The following ZFP36L2 variants were observed in gnomAD, a reference collection of about 807,000 sequenced individuals.
ZFP36L2 encodes the protein ZFP36 like 2 zinc finger CCCH-type.
A neutral mutation model predicts 27.9 loss-of-function variants in ZFP36L2; 16 were observed. The ratio of observed to expected loss-of-function variants is 0.57; its 90% CI spans 0.39 to 0.87. The LOEUF (loss-of-function observed/expected upper bound fraction) is 0.87. ZFP36L2 is among the 40% of genes least tolerant of loss of function. The probability of loss-of-function intolerance (pLI) is 0.00; values close to 1 mark genes in which losing one functional copy is unlikely to be tolerated. For missense variants in ZFP36L2, 989 were observed against 726.9 expected, an observed-to-expected ratio of 1.36 and a Z score of -4.15; for synonymous variants, 600 against 363.8, an observed-to-expected ratio of 1.65 and a Z score of -7.39.
chr2:43,224,315 T>G lies in ZFP36L2; in HGVS notation c.*4A>C, dbSNP rs1446967578. On this transcript the variant is annotated 3_prime_UTR_variant, in exon 2 of 2. Coordinates refer to ENST00000282388, the MANE Select transcript of ZFP36L2 (RefSeq NM_006887.5). ...CCCTTCCTCCTCACTGGCGCCCTCT[T>G]GCCTCAGTCGTCGGAGATGGAGAGG... 1 of 1,568,188 alleles carries G rather than the reference T, an allele frequency of 6.4e-7. No individual in the cohort carries two copies. The highest frequency in any genetic ancestry group is 8.6e-7 in the Non-Finnish European group (1 of 1,162,656).
rs1474763918 is a variant in ZFP36L2 at position 43,225,579 on chromosome 2, C to T, written c.225G>A (p.Ser75=). 2 of 1,561,376 alleles carry T rather than the reference C, an allele frequency of 1.3e-6. No individual in the cohort carries two copies. The highest frequency in any genetic ancestry group is 1.7e-6 in the Non-Finnish European group (2 of 1,159,258). ...CGTTAGCGGCGCCCGGGAACTTGGG[C>T]GAGCAGCTGCCGGGGCTGGGCGCGG... ...AHPAPSPGSC[S]PKFPGAANGS... is the part of the protein sequence containing the mutation. Residue 75 remains serine, a synonymous_variant, in exon 2 of 2, where the codon TCG becomes TCA. Coordinates refer to ENST00000282388, the MANE Select transcript of ZFP36L2 (RefSeq NM_006887.5).
chr2:43,225,415 C>G lies in ZFP36L2; in HGVS notation c.389G>C (p.Arg130Pro). Residue 130 changes from arginine to proline, a missense_variant, in exon 2 of 2, where the codon CGC (arginine) becomes CCC (proline). Arg to Pro is a moderately radical substitution (Grantham distance 103). Transcript: ENST00000282388. Reference sequence around the variant, plus strand: ...CTGCAGGTGCAGGAGGTGCTGGCTGCGATCGCCGTTCTCGCTAAACGAGCG... The same window carrying G: ...CTGCAGGTGCAGGAGGTGCTGGCTGGGATCGCCGTTCTCGCTAAACGAGCG... ...RDRSFSENGD[R>P]SQHLLHLQQQ... is the part of the protein sequence containing the mutation. 6.2e-7 allele frequency: 1 copy of G among 1,613,388 alleles called. No individual in the cohort carries two copies. Among genetic ancestry groups the G allele is most frequent in the Non-Finnish European group, 8.5e-7 (1 of 1,179,864 alleles).
At chr2:43,226,004 G>C (rs1003288643) in intron 1 of ZFP36L2, among the ~76,000 whole-genome samples, 2 of 151,954 alleles carry the variant, frequency 1.3e-5, no homozygotes, top group Middle Eastern at 3.2e-3. Flanking sequence ...CGCCCCGGCT[G>C]CCGAGGTGGG....
chr2:43,224,910 G>A lies in ZFP36L2; in HGVS notation c.894C>T (p.Ser298=), dbSNP rs754856187. 1.8e-5 allele frequency: 28 copies of A among 1,549,740 alleles called. No homozygotes were observed. Among genetic ancestry groups the A allele is most frequent in the Middle Eastern group, 2.0e-4 (1 of 4,882 alleles). The change falls in exon 2 of 2, where the codon TCC becomes TCT. Residue 298 remains serine (S), a synonymous_variant. Transcript: ENST00000282388. The part of the protein sequence containing the change: ...PPPPSCSSAS[S]CSSSASSCSS... ...AACAGGAGGAGGCGGAGGAGGAGCA[G>A]GACGAGGCCGAAGAGCAGGAGGGCG...
Position 43,225,523 on chromosome 2 carries a change from C to T in ZFP36L2, c.281G>A (p.Gly94Asp), listed in dbSNP as rs767981030. The part of the protein sequence containing the change: ...GSSCGSAAAG[G>D]PTSYGTLKEP... ...CTTAAGGGTGCCGTAGGAGGTCGGA[C>T]CGCCGGCCGCCGCGCTGCCGCAGCT... The change falls in exon 2 of 2, where the codon GGT (glycine) becomes GAT (aspartate). Residue 94 changes from glycine (G) to aspartate (D), a missense_variant. Gly to Asp is a moderately conservative substitution (Grantham distance 94). Transcript: ENST00000282388. The T allele has an allele frequency of 6.3e-7, 1 of 1,585,888 alleles. No individual in the cohort carries two copies. The highest frequency in any genetic ancestry group is 8.5e-7 in the Non-Finnish European group (1 of 1,169,956).
chr2:43,223,996 T>G lies in ZFP36L2; in HGVS notation c.*323A>C, dbSNP rs1014351430. 12 of 236,460 alleles carry G rather than the reference T, an allele frequency of 5.1e-5. No homozygotes were observed. The highest frequency in any genetic ancestry group is 9.0e-5 in the African/African-American group (4 of 44,268). The allele number at this position is 236,460 out of a possible 1,614,324, so 14.6% of individuals were successfully genotyped here. On this transcript the variant is annotated 3_prime_UTR_variant, in exon 2 of 2. Transcript: ENST00000282388. Reference sequence around the variant, plus strand: ...AGTCCTAACAAAGTTTAAGTGTTTTTTTTTTTTTTTTGTTCTATTCGTATC... The same window carrying G: ...AGTCCTAACAAAGTTTAAGTGTTTTGTTTTTTTTTTTGTTCTATTCGTATC...
rs370674378 is a variant in ZFP36L2, at chr2:43,224,832, G to A, written c.972C>T (p.Ser324=). ...GAGCGGCCGCAGCCGCGGCCGCCGC[G>A]GAGGCGCAGCATGTCGGGGCGCCCG... ...TPSGAPTCCA[S]AAAAAAAALL... The change falls in exon 2 of 2, where the codon TCC becomes TCT. Residue 324 remains serine, a synonymous_variant. Transcript: ENST00000282388. The A allele has an allele frequency of 6.5e-4, 933 of 1,434,038 alleles. 9 individuals carry two copies. In the South Asian group the frequency reaches 6.7e-3, roughly 10 times the overall value. The allele number at this position is 1,434,038 out of a possible 1,614,324, so 88.8% of individuals were successfully genotyped here. A position where few individuals can be genotyped will look rare whatever the true frequency, so the allele number is the denominator to read the frequency against.
In ZFP36L2 at chr2:43,226,598, C is replaced by T. The variant is rs1452761907; in HGVS notation, c.-283G>A. On this transcript the variant is annotated 5_prime_UTR_variant, in exon 1 of 2. Coordinates refer to ENST00000282388, the MANE Select transcript of ZFP36L2 (RefSeq NM_006887.5). ...GGAGCCGACGGCAGCTCGCGGACTG[C>T]TGGAACTCGGCGGCCTCCGAGCGCG... The T allele has an allele frequency of 1.1e-5, 5 of 463,946 alleles. No homozygotes were observed. Among genetic ancestry groups the T allele is most frequent in the African/African-American group, 4.2e-5 (2 of 47,452 alleles). 28.7% of individuals were successfully genotyped at this position (463,946 alleles called of 1,614,324 possible).
At position 43,224,105 on chromosome 2, in the gene ZFP36L2, T is replaced by TA. The variant is rs1269635093; in HGVS notation, c.*213dup. 0.034 allele frequency: 9,058 copies of TA among 268,114 alleles called. 5 individuals carry two copies. Among genetic ancestry groups the TA allele is most frequent in the East Asian group, 0.041 (714 of 17,486 alleles). 16.6% of individuals were successfully genotyped at this position (268,114 alleles called of 1,614,324 possible). On this transcript the variant is annotated 3_prime_UTR_variant, in exon 2 of 2. Transcript: ENST00000282388. ...AAAGAATGAAACTTCGTAATAAAAA[T>TA]AAAAAAAAAAAGACAAGAGGAAACC...
chr2:43,225,051 C>T lies in ZFP36L2; in HGVS notation c.753G>A (p.Arg251=), dbSNP rs755437633. The T allele has an allele frequency of 5.6e-6, 9 of 1,594,576 alleles. No homozygotes were observed. The highest frequency in any genetic ancestry group is 3.3e-5 in the South Asian group (3 of 90,834). ...AGCTGAGGCTGTGGTGCAACTTGGG[C>T]CGCGGCTCCCGCGGGAAGCCCAGGT... ...ALHLGFPREP[R]PKLHHSLSFS... Residue 251 remains arginine, a synonymous_variant, in exon 2 of 2, where the codon CGG becomes CGA. Transcript: ENST00000282388.
In ZFP36L2 at chr2:43,224,542, G is replaced by C; in HGVS notation, c.1262C>G (p.Ala421Gly). ...APPSATLPAGAAAPPSPPFSF... is the reference protein window; with the variant it reads ...APPSATLPAGGAAPPSPPFSF... Reference sequence around the variant, plus strand: ...GAAGGGCGGCGAGGGAGGTGCGGCGGCCCCGGCGGGGAGGGTCGCGCTGGG... The same window carrying C: ...GAAGGGCGGCGAGGGAGGTGCGGCGCCCCCGGCGGGGAGGGTCGCGCTGGG... Residue 421 changes from alanine to glycine, a missense_variant, in exon 2 of 2, where the codon GCC becomes GGC. Coordinates refer to ENST00000282388, the MANE Select transcript of ZFP36L2 (RefSeq NM_006887.5). 1 of 1,440,748 alleles carries C rather than the reference G, an allele frequency of 6.9e-7. No individual in the cohort carries two copies. The highest frequency in any genetic ancestry group is 9.1e-7 in the Non-Finnish European group (1 of 1,101,398). The allele number at this position is 1,440,748 out of a possible 1,614,324, so 89.2% of individuals were successfully genotyped here.
chr2:43,225,488 C>T lies in ZFP36L2; in HGVS notation c.316G>A (p.Gly106Arg), dbSNP rs761560903. ...TTGAGCAGGGCTGTGCCGCCGCCCC[C>T]CGACGGCTCCTTAAGGGTGCCGTAG... ...TSYGTLKEPS[G>R]GGGTALLNKE... The change falls in exon 2 of 2, where the codon GGG becomes AGG. Residue 106 changes from glycine (G) to arginine (R), a missense_variant. By Grantham distance (125) the Gly-to-Arg change is moderately radical. Coordinates refer to ENST00000282388, the MANE Select transcript of ZFP36L2 (RefSeq NM_006887.5). The T allele has an allele frequency of 1.2e-6, 2 of 1,610,216 alleles. No individual in the cohort carries two copies. Among genetic ancestry groups the T allele is most frequent in the Non-Finnish European group, 1.7e-6 (2 of 1,179,186 alleles).
intron 1 of ZFP36L2, among the ~76,000 whole-genome samples, chr2:43,226,007 G>C (rs1432358609): frequency 6.6e-6 from 1 of 151,754 alleles, no homozygotes; most frequent in African/African-American, 2.4e-5. Flanking sequence ...CCCGGCTGCC[G>C]AGGTGGGCGG....
At position 43,225,297 on chromosome 2, in the gene ZFP36L2, C is replaced by G; in HGVS notation, c.507G>C (p.Lys169Asn). The change falls in exon 2 of 2, where the codon AAG (lysine) becomes AAC (asparagine). Residue 169 changes from lysine (K) to asparagine (N), a missense_variant. Lys to Asn is a moderately conservative substitution (Grantham distance 94, BLOSUM62 0). Coordinates refer to ENST00000282388, the MANE Select transcript of ZFP36L2 (RefSeq NM_006887.5). ...GCGCGAACTGGCACTTTTCGCCGTA[C>G]TTGCACGTGCCGCTCTCCTCGAAGG... ...CRPFEESGTC[K>N]YGEKCQFAHG... 6.2e-7 allele frequency: 1 copy of G among 1,612,594 alleles called. No individual in the cohort carries two copies. Among genetic ancestry groups the G allele is most frequent in the South Asian group, 1.1e-5 (1 of 91,078 alleles).
chr2:43,226,445 G>A lies in ZFP36L2; in HGVS notation c.-130C>T. On this transcript the variant is annotated 5_prime_UTR_variant, in exon 1 of 2. Coordinates refer to ENST00000282388, the MANE Select transcript of ZFP36L2 (RefSeq NM_006887.5). ...GGGGAGGGGCCGAAAGTTTGCCGGGGGGCGAGAGGAGAGGGCGAGTGCAGC... is the reference window on the plus strand; with the variant it reads ...GGGGAGGGGCCGAAAGTTTGCCGGGAGGCGAGAGGAGAGGGCGAGTGCAGC... The A allele has an allele frequency of 1.6e-6, 2 of 1,239,370 alleles. No homozygotes were observed. The highest frequency in any genetic ancestry group is 2.3e-6 in the Non-Finnish European group (2 of 873,496). 76.8% of individuals were successfully genotyped at this position (1,239,370 alleles called of 1,614,324 possible).
rs778019061 is a variant in ZFP36L2 at position 43,225,513 on chromosome 2, G to A, written c.291C>T (p.Ser97=). ...CGSAAAGGPT[S]YGTLKEPSGG... is the part of the protein sequence containing the mutation. The stretch of plus-strand genomic sequence containing the variant: ...CCGACGGCTCCTTAAGGGTGCCGTA[G>A]GAGGTCGGACCGCCGGCCGCCGCGC... Residue 97 remains serine, a synonymous_variant, in exon 2 of 2, where the codon TCC becomes TCT. Coordinates refer to ENST00000282388, the MANE Select transcript of ZFP36L2 (RefSeq NM_006887.5). 1.2e-6 allele frequency: 2 copies of A among 1,601,736 alleles called. No individual in the cohort carries two copies. Among genetic ancestry groups the A allele is most frequent in the Non-Finnish European group, 1.7e-6 (2 of 1,176,432 alleles).
rs776627220 is a variant in ZFP36L2, at chr2:43,224,716, A to T, written c.1088T>A (p.Phe363Tyr). Residue 363 changes from phenylalanine to tyrosine, a missense_variant, in exon 2 of 2, where the codon TTC (phenylalanine) becomes TAC (tyrosine). Transcript: ENST00000282388. ...GCTGCTGAGCTCCGGACCGAAGGCG[A>T]AGGCGTTGTTGGCGCACGAGGCCGA... ...CSSASCANNA[F>Y]AFGPELSSLI... 1 of 1,532,214 alleles carries T rather than the reference A, an allele frequency of 6.5e-7. No individual in the cohort carries two copies. Among genetic ancestry groups the T allele is most frequent in the African/African-American group, 1.4e-5 (1 of 69,786 alleles). The allele number at this position is 1,532,214 out of a possible 1,614,324, so 94.9% of individuals were successfully genotyped here.
chr2:43,226,570 C>A lies in ZFP36L2; in HGVS notation c.-255G>T, dbSNP rs867734094. ...CCCGGGGTGCCCGGCCCGCCCCCCC[C>A]GCGGAGCCGACGGCAGCTCGCGGAC... On this transcript the variant is annotated 5_prime_UTR_variant, in exon 1 of 2. Coordinates refer to ENST00000282388, the MANE Select transcript of ZFP36L2 (RefSeq NM_006887.5). 7 of 499,242 alleles carry A rather than the reference C, an allele frequency of 1.4e-5. No homozygotes were observed. Among genetic ancestry groups the A allele is most frequent in the African/African-American group, 2.1e-5 (1 of 48,260 alleles). The allele number at this position is 499,242 out of a possible 1,614,324, so 30.9% of individuals were successfully genotyped here.
Position 43,225,831 on chromosome 2 carries a change from C to A in ZFP36L2, c.52-79G>T, listed in dbSNP as rs1253992261. ...CTCGGGGCGAGCCGCAGAGGAACTC[C>A]CAGCCTGATTCTTTTCCTTTTTTTC... On this transcript the variant is annotated intron_variant, in intron 1 of 1. Transcript: ENST00000282388. 9.9e-6 allele frequency: 14 copies of A among 1,414,636 alleles called. No homozygotes were observed. In the East Asian group the frequency reaches 3.2e-4, roughly 32 times the overall value. 87.6% of individuals were successfully genotyped at this position (1,414,636 alleles called of 1,614,324 possible). A position where few individuals can be genotyped will look rare whatever the true frequency, so the allele number is the denominator to read the frequency against.
Sources: allele counts gnomAD v4.1 joint callset (sites outside exome capture counted in the v4.1 genomes callset), GRCh38; gene constraint gnomAD v4.1.1; transcripts MANE v1.5; gene names NCBI Gene and HGNC (gene_info 2026-07-23, HGNC 2026-07-21).